Variants in SEC63 observed in about 807,000 individuals in gnomAD.
The protein encoded by SEC63 is SEC63 protein translocation regulator.
A neutral mutation model predicts 116.2 loss-of-function variants in SEC63; 56 were observed. The ratio of observed to expected loss-of-function variants is 0.48; its 90% CI spans 0.39 to 0.60. The LOEUF is 0.60. SEC63 is among the 20% of genes least tolerant of loss of function. SEC63 has a pLI of 0.00. For synonymous variants in SEC63, 273 were observed against 294.6 expected (o/e 0.93, Z 0.75); for missense variants, 668 against 900.0 (o/e 0.74, Z 3.30).
chr6:107,920,529 T>C (rs1414686212), intron 4 of SEC63, among the ~76,000 whole-genome samples: 2 of 152,122 alleles, frequency 1.3e-5, no homozygotes, highest in Non-Finnish European at 2.9e-5. Flanking sequence ...CAAAAAAATT[T>C]GTGACTCACT....
rs59290085 is a variant in SEC63 at position 107,945,305 on chromosome 6, C to CT, written c.124+12580dup. Among the ~76,000 whole-genome samples the CT allele has an allele frequency of 3.0e-3, 411 of 138,324 alleles. 2 individuals carry two copies. The highest frequency in any genetic ancestry group is 7.3e-3 in the South Asian group (32 of 4,358). 90.7% of individuals were successfully genotyped at this position (138,324 alleles called of 152,430 possible). A position where few individuals can be genotyped will look rare whatever the true frequency, so the allele number is the denominator to read the frequency against. ...AAAATGTAAAGAATATCTTTCTTTT[C>CT]TTTTTTTTTTTTTTGTTTTGAGACA... On this transcript the variant is annotated intron_variant, in intron 1 of 20. Coordinates refer to ENST00000369002, the MANE Select transcript of SEC63 (RefSeq NM_007214.5).
In SEC63 at chr6:107,902,837, G is replaced by A; in HGVS notation, c.1209+7C>T. On this transcript the variant is annotated splice_region_variant and intron_variant, in intron 12 of 20. Transcript: ENST00000369002. ...TGAAAACTGACTTTAAAGTAGCAAA[G>A]AATTACCTTCTTATGATTAGAAACC... The A allele has an allele frequency of 6.2e-7, 1 of 1,613,374 alleles. No individual in the cohort carries two copies. Among genetic ancestry groups the A allele is most frequent in the Non-Finnish European group, 8.5e-7 (1 of 1,179,500 alleles).
intron 17 of SEC63, 115 bp downstream of exon 17, chr6:107,882,873 T>C (rs1786443073): frequency 3.0e-6 from 2 of 677,112 alleles, no homozygotes; most frequent in Admixed American, 2.5e-5. Flanking sequence ...TATACAGATA[T>C]TATTTAAAGA....
At chr6:107,914,414 GAGAT>G (rs1372626557) in intron 4 of SEC63, among the ~76,000 whole-genome samples, 1 of 152,128 alleles carries the variant, frequency 6.6e-6, no homozygotes, top group Non-Finnish European at 1.5e-5. Context: ...ACTCCAATCT[GAGAT>G]AGGCAATGCA....
At chr6:107,912,680 A>C in intron 6 of SEC63, 36 bp downstream of exon 6, 2 of 1,368,118 alleles carry the variant, frequency 1.5e-6, no homozygotes, top group Non-Finnish European at 2.1e-6. Context: ...AATTTTGTCT[A>C]ATACATCATA....
chr6:107,899,949 C>T (rs1786959455), intron 13 of SEC63, among the ~76,000 whole-genome samples: 1 of 152,152 alleles, frequency 6.6e-6, no homozygotes, highest in Non-Finnish European at 1.5e-5. Flanking sequence ...ATGCTACACT[C>T]CAGCCAAACT....
chr6:107,955,410 G>A (rs748459401), intron 1 of SEC63, among the ~76,000 whole-genome samples: 55 of 152,046 alleles, frequency 3.6e-4, no homozygotes, highest in Middle Eastern at 3.4e-3. Context: ...TGATCCGCCC[G>A]CCTGGGCCTC....
chr6:107,900,527 A>G (rs1346110966), intron 13 of SEC63, among the ~76,000 whole-genome samples: 1 of 152,094 alleles, frequency 6.6e-6, no homozygotes, highest in Non-Finnish European at 1.5e-5. Context: ...GTGCACCTGT[A>G]GTCCCAGCTA....
At chr6:107,920,453 CAT>C (rs1479671443) in intron 4 of SEC63, among the ~76,000 whole-genome samples, 1 of 126,498 alleles carries the variant, frequency 7.9e-6, no homozygotes, top group Non-Finnish European at 1.7e-5. Flanking sequence ...AAAAAAAAGA[CAT>C]AAGGCTACTG....
intron 12 of SEC63, among the ~76,000 whole-genome samples, chr6:107,902,316 T>C (rs946038283): frequency 3.9e-5 from 6 of 152,116 alleles, no homozygotes; most frequent in African/African-American, 1.2e-4. Context: ...ATCTATCATA[T>C]ACAAAATAAT....
At chr6:107,921,147 T>A (rs1787546497) in intron 4 of SEC63, among the ~76,000 whole-genome samples, 1 of 151,924 alleles carries the variant, frequency 6.6e-6, no homozygotes, top group Non-Finnish European at 1.5e-5. Context: ...TTAAATAGTT[T>A]AAATGAGATA....
intron 1 of SEC63, among the ~76,000 whole-genome samples, chr6:107,938,397 G>T (rs1770301578): frequency 6.6e-6 from 1 of 151,388 alleles, no homozygotes; most frequent in African/African-American, 2.4e-5. Context: ...ACTACAGGAA[G>T]ATGCCACTAT....
At chr6:107,902,342 C>T (rs1787024738) in intron 12 of SEC63, among the ~76,000 whole-genome samples, 1 of 152,106 alleles carries the variant, frequency 6.6e-6, no homozygotes, top group South Asian at 2.1e-4. Flanking sequence ...AAATCTCCTA[C>T]TAGAATTGTA....
rs187336613 is a variant in SEC63 at position 107,939,784 on chromosome 6, T to A, written c.125-10270A>T. 9.4e-4 allele frequency among the ~76,000 whole-genome samples: 143 copies of A among 151,972 alleles called. 1 individual carries two copies. The Middle Eastern group carries it at 0.024, about 25-fold the overall frequency. ...AAAATAATTTAAAAAAAAAAATTTT[T>A]AAAAACAATCTTTCCTTTAACCGTG... On this transcript the variant is annotated intron_variant, in intron 1 of 20. Transcript: ENST00000369002.
At chr6:107,896,024 G>A (rs564648416) in intron 14 of SEC63, among the ~76,000 whole-genome samples, 46 of 151,814 alleles carry the variant, frequency 3.0e-4, no homozygotes, top group Non-Finnish European at 5.3e-4. Flanking sequence ...AAATTGGCTG[G>A]ACATGGTGGT....
In SEC63 at chr6:107,939,768, TA is replaced by T. The variant is rs1046459203; in HGVS notation, c.125-10255del. ...AAAATAGTTAAAAATAAAAATAATT[TA>T]AAAAAAAAAATTTTTAAAAACAATC... is the stretch of plus-strand genomic sequence containing the variant. On this transcript the variant is annotated intron_variant, in intron 1 of 20. Transcript: ENST00000369002. 6.6e-4 allele frequency among the ~76,000 whole-genome samples: 100 copies of T among 150,870 alleles called. 1 individual carries two copies. The highest frequency in any genetic ancestry group is 1.9e-3 in the South Asian group (9 of 4,768).
At chr6:107,951,008 T>C (rs561191491) in intron 1 of SEC63, among the ~76,000 whole-genome samples, 2 of 152,334 alleles carry the variant, frequency 1.3e-5, no homozygotes, top group South Asian at 4.1e-4. Flanking sequence ...AACTCTTCTA[T>C]TGTAAATCAA....
chr6:107,946,333 A>C (rs1319019247), intron 1 of SEC63, among the ~76,000 whole-genome samples: 1 of 151,576 alleles, frequency 6.6e-6, no homozygotes, highest in Non-Finnish European at 1.5e-5. Flanking sequence ...CCCGGGTCCA[A>C]GCAATTCTCC....
chr6:107,874,931 A>G (rs1464378737), intron 19 of SEC63, among the ~76,000 whole-genome samples: 3 of 152,242 alleles, frequency 2.0e-5, no homozygotes, highest in Non-Finnish European at 4.4e-5. Context: ...GGAAATCTGA[A>G]TACAGACTGC....
Sources: allele counts gnomAD v4.1 joint callset (sites outside exome capture counted in the v4.1 genomes callset), GRCh38; gene constraint gnomAD v4.1.1; transcripts MANE v1.5; gene names NCBI Gene and HGNC (gene_info 2026-07-23, HGNC 2026-07-21).